MEGF11: variants seen among roughly 807,000 people sequenced by gnomAD.
MEGF11 encodes the protein multiple epidermal growth factor-like domains protein 11.
MEGF11 carries 126 observed loss-of-function variants against 146.6 expected under a neutral mutation model. That is an observed-to-expected ratio of 0.86 (90% CI 0.74 to 1.00). The LOEUF (loss-of-function observed/expected upper bound fraction) is 1.00. Ranked by LOEUF, MEGF11 falls within the 50% of genes least tolerant of loss-of-function variation. MEGF11 has a pLI of 0.00. For missense variants in MEGF11, 1,509 were observed against 1,521.2 expected, an observed-to-expected ratio of 0.99 and a Z score of 0.13; for synonymous variants, 532 against 583.4, an observed-to-expected ratio of 0.91 and a Z score of 1.27.
chr15:66,204,468 C>A (rs759697769), intron 1 of MEGF11, among the ~76,000 whole-genome samples: 2 of 151,970 alleles, frequency 1.3e-5, no homozygotes, highest in East Asian at 3.8e-4. Flanking sequence ...CGTTTCCAGG[C>A]CTTGTGATAC....
intron 1 of MEGF11, among the ~76,000 whole-genome samples, chr15:66,209,379 G>A (rs1035795531): frequency 5.3e-5 from 8 of 151,614 alleles, no homozygotes; most frequent in South Asian, 2.1e-4. Context: ...AACTAAACAC[G>A]CAAGTACCAT....
intron 10 of MEGF11, among the ~76,000 whole-genome samples, chr15:65,955,961 T>C (rs1209483736): frequency 6.6e-6 from 1 of 151,554 alleles, no homozygotes; most frequent in Admixed American, 6.6e-5. Flanking sequence ...GTTTGAACAA[T>C]GTTTTGTTCT....
chr15:66,216,535 C>T (rs1301323251), intron 1 of MEGF11, among the ~76,000 whole-genome samples: 1 of 152,156 alleles, frequency 6.6e-6, no homozygotes, highest in Non-Finnish European at 1.5e-5. Flanking sequence ...TCCTGCCTTC[C>T]AGGGCCCTGC....
At chr15:66,019,592 C>T (rs1480441812) in intron 5 of MEGF11, among the ~76,000 whole-genome samples, 1 of 152,192 alleles carries the variant, frequency 6.6e-6, no homozygotes, top group Non-Finnish European at 1.5e-5. Context: ...CCCCTTCCAG[C>T]CCCGCAGCCA....
At chr15:65,980,589 G>C (rs2081602171) in intron 7 of MEGF11, among the ~76,000 whole-genome samples, 189 bp downstream of exon 7, 1 of 152,062 alleles carries the variant, frequency 6.6e-6, no homozygotes, top group African/African-American at 2.4e-5. Context: ...AGTAGAGATG[G>C]GGTTTCGCCA....
At position 66,079,741 on chromosome 15, in the gene MEGF11, G is replaced by A. The variant is rs776958252; in HGVS notation, c.394+14661C>T. ...ATTCTTGGGGTGCACTTAGGTGATCGCTCTCAGGTGCGTTTACCTGGCAGC... is the reference window on the plus strand; with the variant it reads ...ATTCTTGGGGTGCACTTAGGTGATCACTCTCAGGTGCGTTTACCTGGCAGC... On this transcript the variant is annotated intron_variant, in intron 5 of 25. Coordinates refer to ENST00000395614, the MANE Select transcript of MEGF11 (RefSeq NM_001385028.1). Among the ~76,000 whole-genome samples, 5 of 152,250 alleles carry A rather than the reference G, an allele frequency of 3.3e-5. 1 individual carries two copies. The highest frequency in any genetic ancestry group is 2.1e-4 in the South Asian group (1 of 4,818).
intron 1 of MEGF11, among the ~76,000 whole-genome samples, chr15:66,219,032 T>C (rs987908): frequency 0.99 from 143,973 of 145,090 alleles, 71,450 homozygotes; most frequent in Middle Eastern, 1. Flanking sequence ...TAGATAGAGA[T>C]AGAGACATAG....
chr15:66,153,320 A>C (rs887147897), intron 1 of MEGF11, among the ~76,000 whole-genome samples: 2 of 152,316 alleles, frequency 1.3e-5, no homozygotes, highest in Non-Finnish European at 2.9e-5. Flanking sequence ...CACACCTGTA[A>C]TCCCAGCACT....
At chr15:65,947,997 G>A (rs1596886361) in intron 10 of MEGF11, among the ~76,000 whole-genome samples, 1 of 152,148 alleles carries the variant, frequency 6.6e-6, no homozygotes, top group Non-Finnish European at 1.5e-5. Flanking sequence ...CTGTACAGTG[G>A]GGTCCCAGAG....
chr15:66,095,177 G>A (rs1225727981), intron 4 of MEGF11, among the ~76,000 whole-genome samples: 11 of 152,216 alleles, frequency 7.2e-5, no homozygotes, highest in African/African-American at 2.4e-4. Context: ...AGGTTACAGC[G>A]GCAGGCAGTT....
At chr15:65,969,607 C>G (rs578053090) in intron 8 of MEGF11, among the ~76,000 whole-genome samples, 56 of 152,314 alleles carry the variant, frequency 3.7e-4, no homozygotes, top group African/African-American at 1.3e-3. Context: ...CTAGTGGGAG[C>G]TGGAGGAGCC....
At chr15:66,096,318 C>T (rs1466733334) in intron 4 of MEGF11, among the ~76,000 whole-genome samples, 2 of 152,244 alleles carry the variant, frequency 1.3e-5, no homozygotes, top group Non-Finnish European at 2.9e-5. Flanking sequence ...CAGTGACTTG[C>T]AACCTGCCGA....
chr15:66,138,066 A>G (rs4776746), intron 1 of MEGF11, among the ~76,000 whole-genome samples: 104,874 of 152,046 alleles, frequency 0.69, 37,530 homozygotes, highest in South Asian at 0.85. Context: ...CCATCTTAAA[A>G]AATTTTTTTA....
At chr15:66,110,401 C>G (rs180679999) in intron 4 of MEGF11, among the ~76,000 whole-genome samples, 107 of 152,274 alleles carry the variant, frequency 7.0e-4, no homozygotes, top group African/African-American at 2.6e-3. Flanking sequence ...TCTAAGCCCA[C>G]GGACTGGGGA....
At chr15:66,045,191 C>A (rs1302303756) in intron 5 of MEGF11, among the ~76,000 whole-genome samples, 2 of 152,228 alleles carry the variant, frequency 1.3e-5, no homozygotes, top group African/African-American at 4.8e-5. Context: ...ATTCAGCAAT[C>A]CAGGCATTTC....
Position 66,024,468 on chromosome 15 carries a change from G to T in MEGF11, c.395-41980C>A, listed in dbSNP as rs535934368. Among the ~76,000 whole-genome samples the T allele has an allele frequency of 4.6e-5, 7 of 152,334 alleles. No individual in the cohort carries two copies. In the South Asian group the frequency reaches 1.2e-3, roughly 27 times the overall value. On this transcript the variant is annotated intron_variant, in intron 5 of 25. Coordinates refer to ENST00000395614, the MANE Select transcript of MEGF11 (RefSeq NM_001385028.1). ...CACAGCTGGCCAGAGGCACTTCCAT[G>T]AGCCTCCTCATCTGGGAAACAGGTG...
At chr15:65,920,076 CTG>C (rs1567157384) in intron 15 of MEGF11, among the ~76,000 whole-genome samples, 1 of 152,208 alleles carries the variant, frequency 6.6e-6, no homozygotes, top group Non-Finnish European at 1.5e-5. Context: ...AGATGAGAAA[CTG>C]AGGCAGGTTA....
intron 1 of MEGF11, among the ~76,000 whole-genome samples, chr15:66,166,760 G>A (rs554100153): frequency 8.6e-5 from 13 of 152,040 alleles, no homozygotes; most frequent in Middle Eastern, 3.4e-3. Flanking sequence ...TCAAGTCATC[G>A]TCTCTGAAAT....
At chr15:66,223,950 CA>C (rs1379275353) in intron 1 of MEGF11, among the ~76,000 whole-genome samples, 11 of 152,196 alleles carry the variant, frequency 7.2e-5, no homozygotes, top group Non-Finnish European at 1.3e-4. Flanking sequence ...TCCACTACTA[CA>C]ACCTCCCTCA....
Sources: allele counts gnomAD v4.1 joint callset (sites outside exome capture counted in the v4.1 genomes callset), GRCh38; gene constraint gnomAD v4.1.1; transcripts MANE v1.5; gene names NCBI Gene and HGNC (gene_info 2026-07-23, HGNC 2026-07-21).